Variants in KCNIP2 observed in about 807,000 individuals in gnomAD.
The protein encoded by KCNIP2 is A-type potassium channel modulatory protein KCNIP2.
In KCNIP2, 19 loss-of-function variants were observed where a neutral mutation model predicts 39.0. The ratio of observed to expected loss-of-function variants is 0.49; its 90% CI spans 0.34 to 0.71. The LOEUF (loss-of-function observed/expected upper bound fraction) is 0.71. Ranked by LOEUF, KCNIP2 falls within the 30% of genes least tolerant of loss-of-function variation. KCNIP2 has a pLI of 0.01. For synonymous variants in KCNIP2, 111 were observed against 131.2 expected, an observed-to-expected ratio of 0.85 and a Z score of 1.05; for missense variants, 261 against 346.0, an observed-to-expected ratio of 0.75 and a Z score of 1.95.
Position 101,838,884 on chromosome 10 carries a change from C to A in KCNIP2, c.73+4612G>T, listed in dbSNP as rs957142823. 2.6e-5 allele frequency among the ~76,000 whole-genome samples: 4 copies of A among 152,160 alleles called. No homozygotes were observed. The highest frequency in any genetic ancestry group is 5.9e-5 in the Non-Finnish European group (4 of 68,030). ...TGTTTGAGGTCAGGTACAGAGGAGACGTTGCGTTCTATGGGCCCTGCCCAA... is the reference window on the plus strand; with the variant it reads ...TGTTTGAGGTCAGGTACAGAGGAGAAGTTGCGTTCTATGGGCCCTGCCCAA... On this transcript the variant is annotated intron_variant, in intron 1 of 9. Coordinates refer to ENST00000356640, the MANE Select transcript of KCNIP2 (RefSeq NM_173191.3). This position sits in a 1 kb window ranked among gnomAD's most constrained non-coding sequence, Gnocchi z 4.0.
intron 1 of KCNIP2, among the ~76,000 whole-genome samples, chr10:101,840,057 C>CGGGG (rs71016350): frequency 7.7e-5 from 7 of 90,424 alleles, no homozygotes; most frequent in Admixed American, 3.3e-4. Flanking sequence ...AGTTCCTGGA[C>CGGGG]GGGGGGGGGG....
Position 101,827,419 on chromosome 10 carries a change from C to A in KCNIP2, c.766-19G>T. ...TCTCATCCTGTGGCCATGATGTGAGCGAGGCAGATTGAAGAGAGAGAAAGA... is the reference window on the plus strand; with the variant it reads ...TCTCATCCTGTGGCCATGATGTGAGAGAGGCAGATTGAAGAGAGAGAAAGA... On this transcript the variant is annotated intron_variant, in intron 9 of 9. Transcript: ENST00000356640. 6.3e-7 allele frequency: 1 copy of A among 1,598,304 alleles called. No homozygotes were observed.
At chr10:101,841,287 C>T (rs2066330610) in intron 1 of KCNIP2, among the ~76,000 whole-genome samples, 1 of 152,208 alleles carries the variant, frequency 6.6e-6, no homozygotes, top group Non-Finnish European at 1.5e-5. Context: ...TCCCAGGAAT[C>T]CCAACTGCAG....
intron 2 of KCNIP2, chr10:101,830,397 C>T (rs1181342443): frequency 3.1e-6 from 4 of 1,283,296 alleles, no homozygotes; most frequent in Admixed American, 5.0e-5. Flanking sequence ...GGGAAGGGGG[C>T]GGCCGCACGG....
In KCNIP2 at chr10:101,827,200, G is replaced by T. The variant is rs946366261; in HGVS notation, c.*153C>A. 32 of 1,353,304 alleles carry T rather than the reference G, an allele frequency of 2.4e-5. No individual in the cohort carries two copies. The highest frequency in any genetic ancestry group is 1.3e-4 in the Admixed American group (5 of 38,720). 83.8% of individuals were successfully genotyped at this position (1,353,304 alleles called of 1,614,324 possible). A position where few individuals can be genotyped will look rare whatever the true frequency, so the allele number is the denominator to read the frequency against. On this transcript the variant is annotated 3_prime_UTR_variant, in exon 10 of 10. Coordinates refer to ENST00000356640, the MANE Select transcript of KCNIP2 (RefSeq NM_173191.3). ...ACTCTCTGGCCCCTTCAGCTCCAGA[G>T]ATCTGGACTACTGAATCCCCAAGCT...
At chr10:101,834,782 G>A (rs117528541) in intron 1 of KCNIP2, among the ~76,000 whole-genome samples, 1 of 152,366 alleles carries the variant, frequency 6.6e-6, no homozygotes, top group Non-Finnish European at 1.5e-5. Context: ...GTATGTGCAT[G>A]AGAAACCACC....
Position 101,828,700 on chromosome 10 carries a change from G to A in KCNIP2, c.349-4C>T, listed in dbSNP as rs2065838439. The stretch of plus-strand genomic sequence containing the variant: ...TGACAATTCCGCTGGGACATTCCTG[G>A]AAGGAGAGGGCACCAGGCTGAGGGC... On this transcript the variant is annotated splice_region_variant and splice_polypyrimidine_tract_variant and intron_variant, in intron 4 of 9. Transcript: ENST00000356640. This position sits in a 1 kb window ranked among gnomAD's most constrained non-coding sequence, Gnocchi z 6.6. 1.2e-6 allele frequency: 2 copies of A among 1,614,162 alleles called. No individual in the cohort carries two copies. Among genetic ancestry groups the A allele is most frequent in the South Asian group, 2.2e-5 (2 of 91,082 alleles).
intron 1 of KCNIP2, chr10:101,839,633 AG>A (rs1299619720): frequency 1.6e-5 from 14 of 897,344 alleles, no homozygotes; most frequent in Non-Finnish European, 2.5e-5. Context: ...CTTTCCTTGG[AG>A]GGATGTTGCT....
rs2065903245 is a variant in KCNIP2, at chr10:101,829,842, AC to A, written c.223+1del. On this transcript the variant is annotated splice_donor_variant, in intron 3 of 9. Transcript: ENST00000356640. LOFTEE classifies it high-confidence loss of function. ...CCCGCCCCCACCAGGAGCGTAAGTC[AC>A]CTGGGTCCAGCAGGCGGGGTCTGTG... The A allele has an allele frequency of 6.9e-7, 1 of 1,439,770 alleles. No homozygotes were observed. Among genetic ancestry groups the A allele is most frequent in the Non-Finnish European group, 9.1e-7 (1 of 1,099,960 alleles). 89.2% of individuals were successfully genotyped at this position (1,439,770 alleles called of 1,614,324 possible).
intron 1 of KCNIP2, chr10:101,839,682 C>T: frequency 7.1e-7 from 1 of 1,407,746 alleles, no homozygotes; most frequent in Non-Finnish European, 1.0e-6. Flanking sequence ...CTCCCTACCT[C>T]TGCGGAGCTC....
chr10:101,831,273 G>A, intron 1 of KCNIP2, 106 bp from the exon 2 acceptor site: 1 of 879,560 alleles, frequency 1.1e-6, no homozygotes, highest in Non-Finnish European at 1.7e-6. Context: ...GGACCGGGCT[G>A]GGGGAGGAAT....
chr10:101,839,984 T>C (rs2066278307), intron 1 of KCNIP2: 1 of 597,824 alleles, frequency 1.7e-6, no homozygotes, highest in South Asian at 2.2e-5. Flanking sequence ...AGCCTTCCCA[T>C]GTTCTCCTGG....
At chr10:101,840,239 C>T (rs956044230) in intron 1 of KCNIP2, among the ~76,000 whole-genome samples, 2 of 151,616 alleles carry the variant, frequency 1.3e-5, no homozygotes, top group African/African-American at 2.4e-5. Context: ...TCGCACTCCT[C>T]CCCGCACCCT....
At chr10:101,834,661 G>A (rs1001487153) in intron 1 of KCNIP2, among the ~76,000 whole-genome samples, 4 of 152,308 alleles carry the variant, frequency 2.6e-5, no homozygotes, top group Non-Finnish European at 4.4e-5. Flanking sequence ...GCAGTGACCC[G>A]CCTCTGTCCC....
chr10:101,835,383 C>A lies in KCNIP2; in HGVS notation c.74-4216G>T, dbSNP rs185752233. Reference sequence around the variant, plus strand: ...CCTAGGCAGAAAAAGGCCACTTAACCCCATCAGGACCCTCTGGGGAGGGGA... The same window carrying A: ...CCTAGGCAGAAAAAGGCCACTTAACACCATCAGGACCCTCTGGGGAGGGGA... On this transcript the variant is annotated intron_variant, in intron 1 of 9. Coordinates refer to ENST00000356640, the MANE Select transcript of KCNIP2 (RefSeq NM_173191.3). Among the ~76,000 whole-genome samples, 8 of 152,198 alleles carry A rather than the reference C, an allele frequency of 5.3e-5. No homozygotes were observed. The East Asian group carries it at 1.5e-3, about 29-fold the overall frequency.
Position 101,843,462 on chromosome 10 carries a change from C to T in KCNIP2, c.73+34G>A. On this transcript the variant is annotated intron_variant, in intron 1 of 9. Coordinates refer to ENST00000356640, the MANE Select transcript of KCNIP2 (RefSeq NM_173191.3). The surrounding 1 kb of genome is among the most constrained non-coding windows in gnomAD (Gnocchi z 6.7). Reference sequence around the variant, plus strand: ...AAGGGTCTGGAGGAATGGAATCCACCCTCCCTCCCGCGACCCCCACGTCAC... The same window carrying T: ...AAGGGTCTGGAGGAATGGAATCCACTCTCCCTCCCGCGACCCCCACGTCAC... 7 of 1,438,292 alleles carry T rather than the reference C, an allele frequency of 4.9e-6. No homozygotes were observed. Among genetic ancestry groups the T allele is most frequent in the Non-Finnish European group, 6.6e-6 (7 of 1,065,966 alleles). 89.1% of individuals were successfully genotyped at this position (1,438,292 alleles called of 1,614,324 possible).
At chr10:101,837,134 A>G (rs2066188479) in intron 1 of KCNIP2, among the ~76,000 whole-genome samples, 1 of 152,126 alleles carries the variant, frequency 6.6e-6, no homozygotes, top group South Asian at 2.1e-4. Context: ...AAACAAAGAT[A>G]ATATTTATCC....
At chr10:101,836,568 C>T (rs1317217841) in intron 1 of KCNIP2, among the ~76,000 whole-genome samples, 2 of 152,130 alleles carry the variant, frequency 1.3e-5, no homozygotes, top group South Asian at 2.1e-4. Context: ...ACTCCTTTCC[C>T]CTAGGAAAAA....
rs71016350 is a variant in KCNIP2, at chr10:101,840,057, C to CGGG, written c.73+3436_73+3438dup. On this transcript the variant is annotated intron_variant, in intron 1 of 9. Transcript: ENST00000356640. ...AGCAGCCGCCCCCAAAGTTCCTGGA[C>CGGG]GGGGGGGGGGGGTGGCGGGGAGGGG... Among the ~76,000 whole-genome samples, 43 of 90,430 alleles carry CGGG rather than the reference C, an allele frequency of 4.8e-4. 1 individual carries two copies. Among genetic ancestry groups the CGGG allele is most frequent in the South Asian group, 1.7e-3 (4 of 2,340 alleles). 59.3% of individuals were successfully genotyped at this position (90,430 alleles called of 152,430 possible). A position where few individuals can be genotyped will look rare whatever the true frequency, so the allele number is the denominator to read the frequency against.
Sources: gnomAD v4.1 joint callset for allele counts (sites outside exome capture counted in the v4.1 genomes callset) on GRCh38, gnomAD v4.1.1 for gene constraint, Gnocchi (gnomAD v3.1) non-coding constraint, MANE v1.5 for transcripts, NCBI Gene and HGNC (gene_info 2026-07-23, HGNC 2026-07-21) for gene names.